The following HS6ST3 variants were observed in gnomAD, a reference collection of about 807,000 sequenced individuals.
HS6ST3 encodes the protein heparan sulfate 6-O-sulfotransferase 3.
HS6ST3 carries 12 observed loss-of-function variants against 36.7 expected under a neutral mutation model. The ratio of observed to expected loss-of-function variants is 0.33; its 90% confidence interval spans 0.21 to 0.53. HS6ST3 has a LOEUF of 0.53. Among genes scored for constraint, HS6ST3 ranks in the 20% least tolerant of loss-of-function variants. HS6ST3 has a pLI of 0.95. For synonymous variants in HS6ST3, 240 were observed against 257.5 expected, an observed-to-expected ratio of 0.93 and a Z score of 0.65; for missense variants, 584 against 640.9, an observed-to-expected ratio of 0.91 and a Z score of 0.96.
chr13:96,153,731 A>T lies in HS6ST3; in HGVS notation c.707+62162A>T, dbSNP rs573775571. ...AAAATTATGTTTCAAATTATAGTAA[A>T]TTACATAGGCTAAACTTTAAAAATG... is the stretch of plus-strand genomic sequence containing the variant. On this transcript the variant is annotated intron_variant, in intron 1 of 1. Coordinates refer to ENST00000376705, the MANE Select transcript of HS6ST3 (RefSeq NM_153456.4). Among the ~76,000 whole-genome samples, 6 of 152,360 alleles carry T rather than the reference A, an allele frequency of 3.9e-5. No homozygotes were observed. The South Asian group carries it at 1.2e-3, about 32-fold the overall frequency.
intron 1 of HS6ST3, among the ~76,000 whole-genome samples, chr13:96,793,098 C>G (rs992630014): frequency 2.6e-5 from 4 of 152,004 alleles, no homozygotes; most frequent in African/African-American, 7.2e-5. Flanking sequence ...TTGCGTCTCG[C>G]CAGCATACCC....
At chr13:96,145,424 A>G (rs2054052790) in intron 1 of HS6ST3, among the ~76,000 whole-genome samples, 2 of 151,830 alleles carry the variant, frequency 1.3e-5, no homozygotes, top group Admixed American at 6.6e-5. Flanking sequence ...GCATTTTTTC[A>G]TGTGTCTTTT....
chr13:96,239,819 C>T (rs1359184046), intron 1 of HS6ST3, among the ~76,000 whole-genome samples: 4 of 152,102 alleles, frequency 2.6e-5, no homozygotes, highest in Non-Finnish European at 4.4e-5. Flanking sequence ...TACCTGAATC[C>T]ATGTAGGTGA....
intron 1 of HS6ST3, among the ~76,000 whole-genome samples, chr13:96,706,564 G>A (rs114697477): frequency 7.3e-4 from 111 of 151,594 alleles, no homozygotes; most frequent in African/African-American, 2.5e-3. Context: ...TCTGAAGACC[G>A]TGGGTCGTTT....
At chr13:96,498,236 TTTC>T (rs1177001540) in intron 1 of HS6ST3, among the ~76,000 whole-genome samples, 1 of 152,172 alleles carries the variant, frequency 6.6e-6, no homozygotes. Context: ...AGGCAATTGT[TTTC>T]TTCTTTGGTG....
chr13:96,720,401 AG>A (rs999412761), intron 1 of HS6ST3, among the ~76,000 whole-genome samples: 92 of 152,212 alleles, frequency 6.0e-4, no homozygotes, highest in African/African-American at 1.7e-3. Flanking sequence ...AAAGCCCCAA[AG>A]AAGGAAGAAA....
At chr13:96,558,711 A>G (rs1376093911) in intron 1 of HS6ST3, among the ~76,000 whole-genome samples, 1 of 152,220 alleles carries the variant, frequency 6.6e-6, no homozygotes, top group East Asian at 1.9e-4. Context: ...TCACATAACC[A>G]TTTCAATCCT....
chr13:96,191,663 G>A (rs903873407), intron 1 of HS6ST3, among the ~76,000 whole-genome samples: 2 of 152,110 alleles, frequency 1.3e-5, no homozygotes, highest in African/African-American at 4.8e-5. Flanking sequence ...CACGGTGTGA[G>A]CTGTTTGTCT....
chr13:96,497,412 T>C (rs2055982716), intron 1 of HS6ST3, among the ~76,000 whole-genome samples: 1 of 152,312 alleles, frequency 6.6e-6, no homozygotes, highest in South Asian at 2.1e-4. Flanking sequence ...AGTCACTCCC[T>C]GAGACCCATC....
At chr13:96,261,315 T>C (rs1011262861) in intron 1 of HS6ST3, among the ~76,000 whole-genome samples, 1 of 150,070 alleles carries the variant, frequency 6.7e-6, no homozygotes, top group African/African-American at 2.4e-5. Flanking sequence ...TGAATGATTT[T>C]ATATATATAT....
chr13:96,670,157 GA>G (rs1337418083), intron 1 of HS6ST3, among the ~76,000 whole-genome samples: 1 of 152,104 alleles, frequency 6.6e-6, no homozygotes, highest in African/African-American at 2.4e-5. Context: ...AGAAAAATTA[GA>G]AGCATGTGGC....
intron 1 of HS6ST3, among the ~76,000 whole-genome samples, chr13:96,430,022 T>A (rs1189936731): frequency 1.3e-5 from 2 of 152,244 alleles, no homozygotes; most frequent in African/African-American, 4.8e-5. Context: ...AAATTGACGC[T>A]GATCACTATG....
intron 1 of HS6ST3, among the ~76,000 whole-genome samples, chr13:96,334,767 T>C (rs1300762105): frequency 6.6e-6 from 1 of 152,142 alleles, no homozygotes; most frequent in East Asian, 1.9e-4. Flanking sequence ...ACCGGGTCCC[T>C]CCCACAACAC....
chr13:96,099,233 C>T (rs546962143), intron 1 of HS6ST3, among the ~76,000 whole-genome samples: 67 of 152,284 alleles, frequency 4.4e-4, no homozygotes, highest in African/African-American at 1.5e-3. Context: ...TGAGCCACCA[C>T]ACCCCAACAC....
chr13:96,467,305 G>T (rs763684103), intron 1 of HS6ST3, among the ~76,000 whole-genome samples: 2 of 152,180 alleles, frequency 1.3e-5, no homozygotes, highest in Non-Finnish European at 2.9e-5. Flanking sequence ...AGGCAGGACT[G>T]TCATCTTAGC....
At chr13:96,499,153 G>A (rs988178839) in intron 1 of HS6ST3, among the ~76,000 whole-genome samples, 2 of 151,508 alleles carry the variant, frequency 1.3e-5, no homozygotes, top group Non-Finnish European at 2.9e-5. Flanking sequence ...AGCCTCCCCA[G>A]TAGCTGGGAT....
chr13:96,238,838 A>G (rs1013838166), intron 1 of HS6ST3, among the ~76,000 whole-genome samples: 5 of 152,226 alleles, frequency 3.3e-5, no homozygotes, highest in African/African-American at 1.2e-4. Context: ...CCAAGTGTTT[A>G]TTCTACTTGG....
chr13:96,254,270 T>G (rs2054621042), intron 1 of HS6ST3, among the ~76,000 whole-genome samples: 1 of 150,656 alleles, frequency 6.6e-6, no homozygotes, highest in Non-Finnish European at 1.5e-5. Flanking sequence ...AAAAATTAGC[T>G]GGGCGTGGTG....
chr13:96,385,041 T>A (rs549749562), intron 1 of HS6ST3, among the ~76,000 whole-genome samples: 1 of 151,870 alleles, frequency 6.6e-6, no homozygotes, highest in South Asian at 2.1e-4. Context: ...TAGCTGGGTG[T>A]GGTGGCACAT....
Sources: allele counts gnomAD v4.1 joint callset (sites outside exome capture counted in the v4.1 genomes callset), GRCh38; gene constraint gnomAD v4.1.1; transcripts MANE v1.5; gene names NCBI Gene and HGNC (gene_info 2026-07-23, HGNC 2026-07-21).